Variants in FNIP2 observed in about 807,000 individuals in gnomAD.
The protein encoded by FNIP2 is folliculin-interacting protein 2.
Under a neutral mutation model 108.7 loss-of-function variants are expected in FNIP2, and 32 were observed. That is an observed-to-expected ratio of 0.29 (90% CI 0.22 to 0.40). The LOEUF is 0.40. Ranked by LOEUF, FNIP2 falls within the 10% of genes least tolerant of loss-of-function variation. FNIP2 has a pLI of 1.00. For synonymous variants in FNIP2, 480 were observed against 496.7 expected, an observed-to-expected ratio of 0.97 and a Z score of 0.45; for missense variants, 1,202 against 1,381.6, an observed-to-expected ratio of 0.87 and a Z score of 2.06.
At chr4:158,809,186 G>A (rs1777133848) in intron 1 of FNIP2, among the ~76,000 whole-genome samples, 1 of 152,168 alleles carries the variant, frequency 6.6e-6, no homozygotes, top group African/African-American at 2.4e-5. Context: ...GCTGGGCATG[G>A]TGGCGTTCAT....
intron 5 of FNIP2, among the ~76,000 whole-genome samples, chr4:158,832,887 GTAT>G (rs1219928385): frequency 1.3e-5 from 2 of 152,170 alleles, no homozygotes; most frequent in Admixed American, 1.3e-4. Flanking sequence ...TCATTATGCT[GTAT>G]TATTCTCAAA....
chr4:158,773,591 C>T (rs887993134), intron 1 of FNIP2, among the ~76,000 whole-genome samples: 1 of 152,170 alleles, frequency 6.6e-6, no homozygotes, highest in Non-Finnish European at 1.5e-5. Context: ...TATTACTAAG[C>T]ATCTTTTTTT....
At chr4:158,865,275 T>A (rs1278851658) in intron 12 of FNIP2, among the ~76,000 whole-genome samples, 4 of 152,324 alleles carry the variant, frequency 2.6e-5, no homozygotes, top group South Asian at 2.1e-4. Context: ...TTCTACATTT[T>A]AAAAAATTAT....
chr4:158,891,446 C>T lies in FNIP2; in HGVS notation c.2950C>T (p.His984Tyr), dbSNP rs777239991. The T allele has an allele frequency of 1.9e-6, 3 of 1,592,162 alleles. No homozygotes were observed. Among genetic ancestry groups the T allele is most frequent in the South Asian group, 1.1e-5 (1 of 87,702 alleles). ...CCATCCCTTTGTGTTTCTTTTTCAG[C>T]ATCCAGTCCTGGATGAGCCAATAGC... ...LVADLVHTVHHPVLDEPIAEA... is the reference protein window; with the variant it reads ...LVADLVHTVHYPVLDEPIAEA... Residue 984 changes from histidine (H) to tyrosine (Y), a missense_variant and splice_region_variant, in exon 15 of 17, where the codon CAT becomes TAT. Coordinates refer to ENST00000264433, the MANE Select transcript of FNIP2 (RefSeq NM_020840.3).
chr4:158,847,027 AGCTGGT>A (rs1383679002), intron 7 of FNIP2, among the ~76,000 whole-genome samples: 1 of 152,212 alleles, frequency 6.6e-6, no homozygotes, highest in Non-Finnish European at 1.5e-5. Context: ...GGCAGAGCTC[AGCTGGT>A]GCCCACGGAG....
At chr4:158,797,910 A>G (rs1438130690) in intron 1 of FNIP2, among the ~76,000 whole-genome samples, 4 of 152,138 alleles carry the variant, frequency 2.6e-5, no homozygotes, top group African/African-American at 7.2e-5. Flanking sequence ...ACCTTCTCCC[A>G]CACCACTGGG....
At chr4:158,885,726 A>G (rs533023043) in intron 14 of FNIP2, among the ~76,000 whole-genome samples, 1 of 152,318 alleles carries the variant, frequency 6.6e-6, no homozygotes, top group African/African-American at 2.4e-5. Context: ...TGAACTAAGT[A>G]CTATCCCATT....
At chr4:158,891,929 T>A (rs939443834) in intron 15 of FNIP2, among the ~76,000 whole-genome samples, 1 of 152,112 alleles carries the variant, frequency 6.6e-6, no homozygotes, top group African/African-American at 2.4e-5. Context: ...AAAAGGAAAC[T>A]GTAAATCATC....
Position 158,866,221 on chromosome 4 carries a change from C to CTTTTTTTTTTTTTTTTTTTTTTTTTTT in FNIP2, c.1466-1866_1466-1865insTTTTTTTTTTTTTTTTTTTTTTTTTTT, listed in dbSNP as rs34074378. Among the ~76,000 whole-genome samples, 9 of 59,764 alleles carry CTTTTTTTTTTTTTTTTTTTTTTTTTTT rather than the reference C, an allele frequency of 1.5e-4. 3 individuals are homozygous for CTTTTTTTTTTTTTTTTTTTTTTTTTTT. The highest frequency in any genetic ancestry group is 3.5e-4 in the Admixed American group (1 of 2,886). 39.2% of individuals were successfully genotyped at this position (59,764 alleles called of 152,430 possible). On this transcript the variant is annotated intron_variant, in intron 12 of 16. Transcript: ENST00000264433. ...GATTTGTTCCAATATTCTGGTTATT[C>CTTTTTTTTTTTTTTTTTTTTTTTTTTT]TTTTTTTTTTTTTTTGAGACAGAGT...
chr4:158,883,666 G>A (rs978661361), intron 14 of FNIP2, among the ~76,000 whole-genome samples: 6 of 152,132 alleles, frequency 3.9e-5, no homozygotes, highest in African/African-American at 1.4e-4. Context: ...CCTGCTCTCT[G>A]TAATACACAT....
chr4:158,868,816 C>T lies in FNIP2; in HGVS notation c.2180C>T (p.Pro727Leu). ...VTFQIGSFAS[P>L]ESDFESRMKK... ...TTCCAGATTGGAAGCTTTGCATCTC[C>T]AGAGTCTGACTTTGAAAGCCGCATG... The change falls in exon 13 of 17, where the codon CCA (proline) becomes CTA (leucine). Residue 727 changes from proline (P) to leucine (L), a missense_variant. Pro to Leu is a moderately conservative substitution (Grantham distance 98). Transcript: ENST00000264433. This position sits in a 1 kb window ranked among gnomAD's most constrained non-coding sequence, Gnocchi z 4.6. The T allele has an allele frequency of 1.2e-6, 2 of 1,613,720 alleles. No individual in the cohort carries two copies. The highest frequency in any genetic ancestry group is 1.7e-6 in the Non-Finnish European group (2 of 1,179,894).
chr4:158,869,546 T>C, intron 13 of FNIP2, 118 bp downstream of exon 13: 2 of 1,320,960 alleles, frequency 1.5e-6, no homozygotes, highest in Non-Finnish European at 2.0e-6. Flanking sequence ...TATCTTTTTT[T>C]CCACAAAGTA....
intron 8 of FNIP2, among the ~76,000 whole-genome samples, chr4:158,854,345 C>A (rs1779865499): frequency 1.3e-5 from 2 of 152,246 alleles, no homozygotes; most frequent in Non-Finnish European, 2.9e-5. Context: ...TCTCCCCTAT[C>A]ACCCACAACC....
chr4:158,892,072 T>C (rs1782309189), intron 15 of FNIP2, among the ~76,000 whole-genome samples: 1 of 152,154 alleles, frequency 6.6e-6, no homozygotes, highest in Admixed American at 6.6e-5. Context: ...TAGAATATCA[T>C]TTGTGTAAAC....
rs868345183 is a variant in FNIP2 at position 158,882,266 on chromosome 4, T to C, written c.2950-9180T>C. Among the ~76,000 whole-genome samples, 345 of 147,204 alleles carry C rather than the reference T, an allele frequency of 2.3e-3. 2 individuals are homozygous for C. Among genetic ancestry groups the C allele is most frequent in the African/African-American group, 8.3e-3 (326 of 39,246 alleles). On this transcript the variant is annotated intron_variant, in intron 14 of 16. Transcript: ENST00000264433. ...CTGAGAAGTGAGGAGCCCCTCCGCC[T>C]GGCAGCCACCCCGTCTGGGAAGTGA...
intron 1 of FNIP2, among the ~76,000 whole-genome samples, chr4:158,784,163 G>C (rs765258765): frequency 2.0e-5 from 3 of 152,212 alleles, no homozygotes; most frequent in Non-Finnish European, 4.4e-5. Flanking sequence ...AGCTGTAGTT[G>C]TCAGAAGATA....
intron 6 of FNIP2, 113 bp downstream of exon 6, chr4:158,833,741 G>A: frequency 7.0e-7 from 1 of 1,427,016 alleles, no homozygotes; most frequent in Non-Finnish European, 9.6e-7. Flanking sequence ...TCTTTAATCT[G>A]TGTTTATTTT....
chr4:158,776,506 A>T (rs1775865230), intron 1 of FNIP2, among the ~76,000 whole-genome samples: 1 of 152,236 alleles, frequency 6.6e-6, no homozygotes, highest in Non-Finnish European at 1.5e-5. Context: ...CTTTGGGGTT[A>T]TGGGGGGAAA....
intron 16 of FNIP2, 130 bp from the exon 17 acceptor site, chr4:158,904,336 T>C (rs1729635703): frequency 5.1e-6 from 4 of 790,690 alleles, no homozygotes; most frequent in Non-Finnish European, 8.0e-6. Flanking sequence ...TTTTGCTTTT[T>C]CATTAGTTTT....
Sources: gnomAD v4.1 joint callset for allele counts (sites outside exome capture counted in the v4.1 genomes callset) on GRCh38, gnomAD v4.1.1 for gene constraint, Gnocchi (gnomAD v3.1) non-coding constraint, MANE v1.5 for transcripts, NCBI Gene and HGNC (gene_info 2026-07-23, HGNC 2026-07-21) for gene names.